MCPH1: variants seen among roughly 807,000 people sequenced by gnomAD.
The protein encoded by MCPH1 is microcephalin.
Under a neutral mutation model 84.5 loss-of-function variants are expected in MCPH1, and 104 were observed. The ratio of observed to expected loss-of-function variants is 1.23; its 90% CI spans 1.05 to 1.45. The LOEUF (loss-of-function observed/expected upper bound fraction) is 1.45. Ranked by LOEUF, MCPH1 falls within the 40% of genes most tolerant of loss-of-function variation. MCPH1 has a pLI of 0.00. For missense variants in MCPH1, 1,498 were observed against 1,005.7 expected (o/e 1.49, Z -6.62); for synonymous variants, 514 against 366.8 (o/e 1.40, Z -4.58).
intron 11 of MCPH1, among the ~76,000 whole-genome samples, chr8:6,498,623 C>T (rs1472413489): frequency 5.3e-5 from 8 of 152,154 alleles, no homozygotes; most frequent in African/African-American, 1.9e-4. Flanking sequence ...TTGAATGCCG[C>T]ACGCATTTTT....
Position 6,499,888 on chromosome 8 carries a change from G to T in MCPH1, c.2173G>T (p.Glu725Ter). 4 of 1,613,562 alleles carry T rather than the reference G, an allele frequency of 2.5e-6. No individual in the cohort carries two copies. The highest frequency in any genetic ancestry group is 3.4e-6 in the Non-Finnish European group (4 of 1,179,998). ...TTTAGAATTGGGTCACTGGATTTCT[G>T]AGGAGCCGTTCGAACTGTCTCACCA... ...WSLELGHWISEEPFELSHHFP... is the reference protein window; with the variant it reads ...WSLELGHWIS Residue 725 changes from glutamate to a stop codon, truncating the protein, a stop_gained, in exon 12 of 14, where the codon GAG (glutamate) becomes TAG (stop). Coordinates refer to ENST00000344683, the MANE Select transcript of MCPH1 (RefSeq NM_024596.5). LOFTEE classifies it high-confidence loss of function.
chr8:6,414,851 C>A lies in MCPH1; in HGVS notation c.201C>A (p.Gly67=). The A allele has an allele frequency of 1.9e-6, 3 of 1,613,426 alleles. No individual in the cohort carries two copies. The highest frequency in any genetic ancestry group is 1.1e-5 in the South Asian group (1 of 91,030). ...CTTGGGACAAAGCTCAGAAGAGAGG[C>A]GTAAAGCTCGTTTCGGTGCTCTGGG... ...QSTWDKAQKR[G]VKLVSVLWVE... is the part of the protein sequence containing the mutation. Residue 67 remains glycine (G), a synonymous_variant, in exon 3 of 14, where the codon GGC becomes GGA. Transcript: ENST00000344683.
chr8:6,539,823 G>A (rs145034364), intron 12 of MCPH1, among the ~76,000 whole-genome samples: 190 of 152,294 alleles, frequency 1.2e-3, no homozygotes, highest in African/African-American at 4.1e-3. Flanking sequence ...CTGACATCAG[G>A]CCATCTGCCT....
At position 6,435,913 on chromosome 8, in the gene MCPH1, A is replaced by G. The variant is rs1802575746; in HGVS notation, c.322-135A>G. 6 of 953,234 alleles carry G rather than the reference A, an allele frequency of 6.3e-6. No individual in the cohort carries two copies. The South Asian group carries it at 9.8e-5, about 16-fold the overall frequency. The allele number at this position is 953,234 out of a possible 1,614,324, so 59.0% of individuals were successfully genotyped here. A position where few individuals can be genotyped will look rare whatever the true frequency, so the allele number is the denominator to read the frequency against. On this transcript the variant is annotated intron_variant, in intron 4 of 13. Transcript: ENST00000344683. ...AAATAAATATTGCCAGTTCACATAC[A>G]GTGCAAGAAACACCTCTTTTAGAAT... is the stretch of plus-strand genomic sequence containing the variant.
intron 9 of MCPH1, among the ~76,000 whole-genome samples, chr8:6,466,981 A>G (rs1807059565): frequency 6.6e-6 from 1 of 152,248 alleles, no homozygotes; most frequent in South Asian, 2.1e-4. Context: ...ATTATTTGAT[A>G]TTAATCCAGG....
chr8:6,598,501 C>A (rs1219382434), intron 12 of MCPH1, among the ~76,000 whole-genome samples: 2 of 152,222 alleles, frequency 1.3e-5, no homozygotes, highest in Non-Finnish European at 2.9e-5. Context: ...CTCCACCCGG[C>A]CCACCAGCTC....
At chr8:6,486,702 G>A (rs1809972622) in intron 11 of MCPH1, among the ~76,000 whole-genome samples, 1 of 152,124 alleles carries the variant, frequency 6.6e-6, no homozygotes, top group South Asian at 2.1e-4. Flanking sequence ...TGACTGAATT[G>A]TCTGGCAGAT....
chr8:6,571,356 A>AT (rs766087759), intron 12 of MCPH1, among the ~76,000 whole-genome samples: 4 of 152,174 alleles, frequency 2.6e-5, no homozygotes, highest in Non-Finnish European at 5.9e-5. Flanking sequence ...ACCATATTTC[A>AT]TTAGTGGCTT....
intron 8 of MCPH1, chr8:6,446,431 A>G (rs1804382818): frequency 1.0e-6 from 1 of 985,356 alleles, no homozygotes; most frequent in African/African-American, 1.7e-5. Flanking sequence ...ATCATCACAG[A>G]CATGTTACAT....
At chr8:6,515,714 T>A (rs1362936114) in intron 12 of MCPH1, among the ~76,000 whole-genome samples, 1 of 152,246 alleles carries the variant, frequency 6.6e-6, no homozygotes, top group Non-Finnish European at 1.5e-5. Context: ...TTCTGCCACA[T>A]ACAAGGTAGG....
chr8:6,611,575 G>T (rs922802629), intron 12 of MCPH1, among the ~76,000 whole-genome samples: 1 of 152,204 alleles, frequency 6.6e-6, no homozygotes, highest in African/African-American at 2.4e-5. Context: ...CTGCACCAGG[G>T]TGTGTTCAAC....
chr8:6,554,042 G>C (rs1171550071), intron 12 of MCPH1, among the ~76,000 whole-genome samples: 1 of 151,166 alleles, frequency 6.6e-6, no homozygotes, highest in Non-Finnish European at 1.5e-5. Flanking sequence ...AAATTTGCCG[G>C]AACAGTCATA....
intron 13 of MCPH1, among the ~76,000 whole-genome samples, chr8:6,636,264 T>G (rs1797548163): frequency 6.7e-6 from 1 of 148,660 alleles, no homozygotes; most frequent in Non-Finnish European, 1.5e-5. Context: ...CGCTTGAGCC[T>G]GGGAGGTAGA....
intron 12 of MCPH1, among the ~76,000 whole-genome samples, chr8:6,572,997 A>G (rs1826788419): frequency 6.6e-6 from 1 of 152,252 alleles, no homozygotes; most frequent in East Asian, 1.9e-4. Context: ...AACTGAGGGA[A>G]ATTATATTCC....
Position 6,408,864 on chromosome 8 carries a change from T to C in MCPH1, c.23-415T>C, listed in dbSNP as rs199718929. ...AGCATGAGCCACCACACCTGGCCAGTAGAGTAAATTTTTGTTTTACTTTTT... is the reference window on the plus strand; with the variant it reads ...AGCATGAGCCACCACACCTGGCCAGCAGAGTAAATTTTTGTTTTACTTTTT... On this transcript the variant is annotated intron_variant, in intron 1 of 13. Coordinates refer to ENST00000344683, the MANE Select transcript of MCPH1 (RefSeq NM_024596.5). 2.0e-5 allele frequency among the ~76,000 whole-genome samples: 3 copies of C among 150,092 alleles called. No homozygotes were observed. The East Asian group carries it at 5.9e-4, about 29-fold the overall frequency.
chr8:6,531,293 CT>C (rs112161330), intron 12 of MCPH1, among the ~76,000 whole-genome samples: 243 of 142,132 alleles, frequency 1.7e-3, no homozygotes, highest in Non-Finnish European at 1.8e-3. Context: ...TTCTTTCTTT[CT>C]TTTTTTTTTT....
At chr8:6,466,868 G>A (rs1378024397) in intron 9 of MCPH1, among the ~76,000 whole-genome samples, 3 of 152,176 alleles carry the variant, frequency 2.0e-5, no homozygotes, top group African/African-American at 4.8e-5. Flanking sequence ...GAGCCAACGC[G>A]CCCTGCCCTC....
chr8:6,630,274 A>G (rs1225134743), intron 13 of MCPH1, among the ~76,000 whole-genome samples: 3 of 152,242 alleles, frequency 2.0e-5, no homozygotes, highest in East Asian at 1.9e-4. Context: ...AGGCAGAGAT[A>G]GGGTTCCAGG....
At chr8:6,417,918 G>A in intron 3 of MCPH1, among the ~76,000 whole-genome samples, 1 of 152,140 alleles carries the variant, frequency 6.6e-6, no homozygotes. Flanking sequence ...CTTTTCTATT[G>A]TCGCAAAGAG....
Sources: allele counts gnomAD v4.1 joint callset (sites outside exome capture counted in the v4.1 genomes callset), GRCh38; gene constraint gnomAD v4.1.1; transcripts MANE v1.5; gene names NCBI Gene and HGNC (gene_info 2026-07-23, HGNC 2026-07-21).